The following TACC3 variants were observed in gnomAD, a reference collection of about 807,000 sequenced individuals.
The protein encoded by TACC3 is transforming acidic coiled-coil containing protein 3, also known as transforming acidic coiled-coil-containing protein 3.
TACC3 carries 52 observed loss-of-function variants against 86.0 expected under a neutral mutation model. The observed-to-expected ratio is 0.60, with a 90% CI of 0.48 to 0.76. TACC3 has a LOEUF of 0.76. TACC3 is among the 30% of genes least tolerant of loss of function. The pLI, the probability that TACC3 is intolerant of heterozygous loss-of-function variation, is 0.00. For synonymous variants in TACC3, 512 were observed against 430.0 expected (o/e 1.19, Z -2.36); for missense variants, 1,120 against 1,070.4 (o/e 1.05, Z -0.65).
chr4:1,723,310 G>A, intron 1 of TACC3, 111 bp from the exon 2 acceptor site: 5 of 1,110,218 alleles, frequency 4.5e-6, no homozygotes, highest in Non-Finnish European at 6.6e-6. Context: ...AGAGCAATGA[G>A]CACACCTGTG....
In TACC3 at chr4:1,735,155, G is replaced by A; in HGVS notation, c.1592-118G>A. On this transcript the variant is annotated intron_variant, in intron 6 of 15. Transcript: ENST00000313288. This position sits in a 1 kb window ranked among gnomAD's most constrained non-coding sequence, Gnocchi z 4.2. ...GCCCCGAACATCCACACCTCCAAGG[G>A]AGGAAATACTGCTGGCTGGAATGAT... 1 of 1,398,356 alleles carries A rather than the reference G, an allele frequency of 7.2e-7. No homozygotes were observed. 86.6% of individuals were successfully genotyped at this position (1,398,356 alleles called of 1,614,324 possible).
At position 1,728,110 on chromosome 4, in the gene TACC3, C is replaced by T; in HGVS notation, c.708C>T (p.Cys236=). ...CTCCGCACGGAGCCGAGGAGGAATG[C>T]CGGCACGGTGGGGTCTGTGCTCCCG... ...AETPHGAEEE[C]RHGGVCAPAA... Residue 236 remains cysteine (C), a synonymous_variant, in exon 4 of 16, where the codon TGC becomes TGT. Coordinates refer to ENST00000313288, the MANE Select transcript of TACC3 (RefSeq NM_006342.3). 1 of 1,612,326 alleles carries T rather than the reference C, an allele frequency of 6.2e-7. No homozygotes were observed. The highest frequency in any genetic ancestry group is 8.5e-7 in the Non-Finnish European group (1 of 1,179,682).
rs1216249829 is a variant in TACC3 at position 1,731,185 on chromosome 4, A to C, written c.1475A>C (p.Asn492Thr). The change falls in exon 6 of 16, where the codon AAC becomes ACC. Residue 492 changes from asparagine to threonine, a missense_variant. Asn to Thr is a moderately conservative substitution (Grantham distance 65, BLOSUM62 0). Transcript: ENST00000313288. ...CCTTTCCTCCAGGAGAGAGCCTTGA[A>C]CTCTGCCAGCACCTCGCTTCCCACA... is the stretch of plus-strand genomic sequence containing the variant. Reference protein sequence around the residue: ...PTAESKERALNSASTSLPTSC... With the variant: ...PTAESKERALTSASTSLPTSC... 6.2e-7 allele frequency: 1 copy of C among 1,612,970 alleles called. No homozygotes were observed. Among genetic ancestry groups the C allele is most frequent in the Non-Finnish European group, 8.5e-7 (1 of 1,179,990 alleles).
intron 13 of TACC3, chr4:1,741,814 CAAGCCTGAATACTCTAGGGAAG>C (rs1306018884): frequency 2.6e-5 from 4 of 152,250 alleles, no homozygotes; most frequent in African/African-American, 9.6e-5. Context: ...CTAACAGAAG[CAAGCCTGAATACTCTAGGGAAG>C]AAGGTATCTT....
chr4:1,730,374 A>G, intron 4 of TACC3: 1 of 237,258 alleles, frequency 4.2e-6, no homozygotes, highest in South Asian at 4.8e-5. Context: ...GATTATTATA[A>G]TATTAGAATA....
chr4:1,730,389 G>C (rs753754161), intron 4 of TACC3: 1 of 256,044 alleles, frequency 3.9e-6, no homozygotes, highest in Non-Finnish European at 7.9e-6. Flanking sequence ...AGAATAAAGA[G>C]TAAAGCTACA....
rs753443390 is a variant in TACC3, at chr4:1,727,689, A to T, written c.306-19A>T. On this transcript the variant is annotated intron_variant, in intron 3 of 15. Coordinates refer to ENST00000313288, the MANE Select transcript of TACC3 (RefSeq NM_006342.3). ...ACCAGGTACTCGCTGCTTCACGTTGATTAAGTCTCTTTTAAAAGCCAACAG... is the reference window on the plus strand; with the variant it reads ...ACCAGGTACTCGCTGCTTCACGTTGTTTAAGTCTCTTTTAAAAGCCAACAG... 1.3e-6 allele frequency: 2 copies of T among 1,556,464 alleles called. No individual in the cohort carries two copies. Among genetic ancestry groups the T allele is most frequent in the Non-Finnish European group, 1.7e-6 (2 of 1,151,226 alleles).
At position 1,727,965 on chromosome 4, in the gene TACC3, C is replaced by T. The variant is rs138735746; in HGVS notation, c.563C>T (p.Ser188Phe). 2.6e-4 allele frequency: 420 copies of T among 1,613,586 alleles called. 1 individual carries two copies. The highest frequency in any genetic ancestry group is 4.3e-4 in the South Asian group (39 of 91,092). ...PEQAVEENLSSYSLDRRVTPA... is the reference protein window; with the variant it reads ...PEQAVEENLSFYSLDRRVTPA... ...CAAGCCGTGGAGGAAAACCTTAGTTCCTATTCCTTAGACAGAAGAGTGACA... is the reference window on the plus strand; with the variant it reads ...CAAGCCGTGGAGGAAAACCTTAGTTTCTATTCCTTAGACAGAAGAGTGACA... The change falls in exon 4 of 16, where the codon TCC becomes TTC. Residue 188 changes from serine (S) to phenylalanine (F), a missense_variant. Coordinates refer to ENST00000313288, the MANE Select transcript of TACC3 (RefSeq NM_006342.3).
chr4:1,735,627 G>A lies in TACC3; in HGVS notation c.1645-104G>A, dbSNP rs145952241. On this transcript the variant is annotated intron_variant, in intron 7 of 15. Transcript: ENST00000313288. This position sits in a 1 kb window ranked among gnomAD's most constrained non-coding sequence, Gnocchi z 4.2. Reference sequence around the variant, plus strand: ...TGGGTGACCGGGGGTGGGAGTGTGCGGGTGACCGGGGGTGGGAGTGTGCAG... The same window carrying A: ...TGGGTGACCGGGGGTGGGAGTGTGCAGGTGACCGGGGGTGGGAGTGTGCAG... 2.4e-5 allele frequency: 22 copies of A among 912,446 alleles called. No individual in the cohort carries two copies. In the East Asian group the frequency reaches 2.7e-4, roughly 11 times the overall value. 56.5% of individuals were successfully genotyped at this position (912,446 alleles called of 1,614,324 possible).
upstream of TACC3, chr4:1,720,736 C>T: frequency 6.4e-7 from 1 of 1,572,458 alleles, no homozygotes; most frequent in Non-Finnish European, 8.6e-7. This position sits in a 1 kb window ranked among gnomAD's most constrained non-coding sequence, Gnocchi z 4.4. Flanking sequence ...ACAGCAGGTT[C>T]TGCACCGTGA....
At position 1,728,732 on chromosome 4, in the gene TACC3, G is replaced by T. The variant is rs777714975; in HGVS notation, c.1330G>T (p.Ala444Ser). The part of the protein sequence containing the change: ...SPETRLGQPA[A>S]EQLHAGPATE... ...TGAGACCAGGCTGGGCCAGCCAGCG[G>T]CTGAACAGTTGCATGCTGGGCCTGC... The change falls in exon 4 of 16, where the codon GCT becomes TCT. Residue 444 changes from alanine (A) to serine (S), a missense_variant. Transcript: ENST00000313288. 4.3e-6 allele frequency: 7 copies of T among 1,612,854 alleles called. No individual in the cohort carries two copies. In the African/African-American group the frequency reaches 8.0e-5, roughly 18 times the overall value.
rs1221311313 is a variant in TACC3 at position 1,728,158 on chromosome 4, T to C, written c.756T>C (p.Pro252=). Residue 252 remains proline, a synonymous_variant, in exon 4 of 16, where the codon CCT becomes CCC. Transcript: ENST00000313288. The part of the protein sequence containing the change: ...CAPAAVATSP[P]GAIPKEACGG... Reference sequence around the variant, plus strand: ...CCGCAGCAGTGGCCACTTCGCCTCCTGGTGCAATCCCTAAGGAAGCCTGCG... The same window carrying C: ...CCGCAGCAGTGGCCACTTCGCCTCCCGGTGCAATCCCTAAGGAAGCCTGCG... 3 of 1,611,652 alleles carry C rather than the reference T, an allele frequency of 1.9e-6. No homozygotes were observed. The highest frequency in any genetic ancestry group is 8.5e-7 in the Non-Finnish European group (1 of 1,179,512).
chr4:1,730,697 G>T, intron 4 of TACC3, 190 bp from the exon 5 acceptor site: 1 of 739,104 alleles, frequency 1.4e-6, no homozygotes. Context: ...TTTTCCTGCT[G>T]GGTGAGGTTG....
rs1718191864 is a variant in TACC3 at position 1,735,194 on chromosome 4, G to A, written c.1592-79G>A. The A allele has an allele frequency of 3.2e-6, 5 of 1,564,414 alleles. No individual in the cohort carries two copies. Among genetic ancestry groups the A allele is most frequent in the East Asian group, 2.2e-5 (1 of 44,682 alleles). Reference sequence around the variant, plus strand: ...GGCTGGAATGATCCTGCCTCACTGAGTGCTGAGGGAGACACCAGCCCGCCG... The same window carrying A: ...GGCTGGAATGATCCTGCCTCACTGAATGCTGAGGGAGACACCAGCCCGCCG... On this transcript the variant is annotated intron_variant, in intron 6 of 15. Coordinates refer to ENST00000313288, the MANE Select transcript of TACC3 (RefSeq NM_006342.3). The surrounding 1 kb of genome is among the most constrained non-coding windows in gnomAD (Gnocchi z 4.2).
At chr4:1,727,546 T>C (rs564154681) in intron 3 of TACC3, among the ~76,000 whole-genome samples, 162 bp from the exon 4 acceptor site, 3 of 152,110 alleles carry the variant, frequency 2.0e-5, no homozygotes, top group South Asian at 2.1e-4. Context: ...AGGAACTACA[T>C]TGAGGAACTG....
intron 3 of TACC3, among the ~76,000 whole-genome samples, chr4:1,724,549 A>C (rs1272744287): frequency 1.3e-5 from 2 of 149,580 alleles, no homozygotes; most frequent in Admixed American, 6.7e-5. Flanking sequence ...CGCCGCCACC[A>C]CTCCCGGCTA....
chr4:1,735,362 G>A lies in TACC3; in HGVS notation c.1644+37G>A. On this transcript the variant is annotated intron_variant, in intron 7 of 15. Coordinates refer to ENST00000313288, the MANE Select transcript of TACC3 (RefSeq NM_006342.3). This position sits in a 1 kb window ranked among gnomAD's most constrained non-coding sequence, Gnocchi z 4.2. ...GCAATTCCGCGAAGCCTCACCCACA[G>A]GGTGTCCGAGAGCAGCCACGGCAGG... 2 of 1,613,302 alleles carry A rather than the reference G, an allele frequency of 1.2e-6. No individual in the cohort carries two copies. Among genetic ancestry groups the A allele is most frequent in the Non-Finnish European group, 1.7e-6 (2 of 1,179,650 alleles).
chr4:1,730,109 C>T (rs1472108360), intron 4 of TACC3, among the ~76,000 whole-genome samples: 1 of 152,204 alleles, frequency 6.6e-6, no homozygotes, highest in Non-Finnish European at 1.5e-5. Flanking sequence ...CGTGATCTCG[C>T]CTCACTGCGA....
chr4:1,743,216 A>G (rs55670131), intron 13 of TACC3, among the ~76,000 whole-genome samples: 58,525 of 145,104 alleles, frequency 0.4, 12,094 homozygotes, highest in Non-Finnish European at 0.46. Flanking sequence ...AGATCGCGCC[A>G]TCACACTATG....
Sources: gnomAD v4.1 joint callset for allele counts (sites outside exome capture counted in the v4.1 genomes callset) on GRCh38, gnomAD v4.1.1 for gene constraint, Gnocchi (gnomAD v3.1) non-coding constraint, MANE v1.5 for transcripts, NCBI Gene and HGNC (gene_info 2026-07-23, HGNC 2026-07-21) for gene names.